The following ZCCHC7 variants were observed in gnomAD, a reference collection of about 807,000 sequenced individuals.
ZCCHC7 encodes the protein zinc finger CCHC domain-containing protein 7.
Under a neutral mutation model 52.0 loss-of-function variants are expected in ZCCHC7, and 35 were observed. The observed-to-expected ratio is 0.67, with a 90% confidence interval of 0.51 to 0.89. The LOEUF (loss-of-function observed/expected upper bound fraction) is 0.89, where lower values mean the gene tolerates loss of function less well. ZCCHC7 is among the 40% of genes least tolerant of loss of function. The pLI is 0.00. For synonymous variants in ZCCHC7, 217 were observed against 221.5 expected, an observed-to-expected ratio of 0.98 and a Z score of 0.18; for missense variants, 574 against 649.1, an observed-to-expected ratio of 0.88 and a Z score of 1.26.
At chr9:37,201,957 G>A (rs1400785424) in intron 2 of ZCCHC7, among the ~76,000 whole-genome samples, 1 of 152,146 alleles carries the variant, frequency 6.6e-6, no homozygotes, top group Non-Finnish European at 1.5e-5. Flanking sequence ...GGTTTTAAGA[G>A]CTTGTATAAT....
At chr9:37,170,024 A>T (rs983176110) in intron 2 of ZCCHC7, among the ~76,000 whole-genome samples, 84 of 152,172 alleles carry the variant, frequency 5.5e-4, no homozygotes, top group African/African-American at 1.9e-3. Context: ...TGATTGTGCC[A>T]CTGCAATCCT....
chr9:37,168,634 A>G (rs956035099), intron 2 of ZCCHC7, among the ~76,000 whole-genome samples: 2 of 152,212 alleles, frequency 1.3e-5, no homozygotes, highest in Admixed American at 6.5e-5. Flanking sequence ...GTGCTGGCTC[A>G]TGCCTGTAAT....
At chr9:37,180,804 CAA>C (rs1822311107) in intron 2 of ZCCHC7, among the ~76,000 whole-genome samples, 1 of 152,008 alleles carries the variant, frequency 6.6e-6, no homozygotes, top group Admixed American at 6.6e-5. Flanking sequence ...CACAAATCAA[CAA>C]AATTAATTTT....
intron 1 of ZCCHC7, among the ~76,000 whole-genome samples, chr9:37,123,193 GTGTGTGTGT>G (rs1842396827): frequency 1.1e-3 from 2 of 1,820 alleles, no homozygotes; most frequent in Non-Finnish European, 4.0e-3. Context: ...AGTCAAGGGT[GTGTGTGTGT>G]GTGTGTGTGT....
chr9:37,267,695 G>A (rs578206132), intron 2 of ZCCHC7, among the ~76,000 whole-genome samples: 1 of 148,184 alleles, frequency 6.7e-6, no homozygotes, highest in African/African-American at 2.5e-5. Context: ...TCAGCCTCCC[G>A]AGTAGCTGGG....
At chr9:37,174,566 A>G (rs1821914971) in intron 2 of ZCCHC7, among the ~76,000 whole-genome samples, 1 of 152,202 alleles carries the variant, frequency 6.6e-6, no homozygotes, top group Non-Finnish European at 1.5e-5. Context: ...GGCATAGAAA[A>G]TAGAAGTTGT....
chr9:37,345,041 A>C (rs1350876458), intron 6 of ZCCHC7, among the ~76,000 whole-genome samples: 1 of 152,170 alleles, frequency 6.6e-6, no homozygotes, highest in Non-Finnish European at 1.5e-5. Context: ...GCAGCTTTCT[A>C]CTTATAATAA....
rs182010743 is a variant in ZCCHC7, at chr9:37,321,462, C to T, written c.952-6337C>T. Among the ~76,000 whole-genome samples, 130 of 152,134 alleles carry T rather than the reference C, an allele frequency of 8.5e-4. 1 individual carries two copies. The highest frequency in any genetic ancestry group is 3.0e-3 in the African/African-American group (124 of 41,506). Reference sequence around the variant, plus strand: ...GTTTATAAGTAAAGTTCTAAACTTTCACTTTAAAATTATCTTACCAGGTTG... The same window carrying T: ...GTTTATAAGTAAAGTTCTAAACTTTTACTTTAAAATTATCTTACCAGGTTG... On this transcript the variant is annotated intron_variant, in intron 5 of 8. Transcript: ENST00000336755.
chr9:37,231,420 G>T (rs1177151564), intron 2 of ZCCHC7, among the ~76,000 whole-genome samples: 2 of 151,982 alleles, frequency 1.3e-5, no homozygotes, highest in Non-Finnish European at 2.9e-5. Flanking sequence ...TATATTTCTA[G>T]ATGTTTTAAT....
intron 2 of ZCCHC7, among the ~76,000 whole-genome samples, chr9:37,238,552 CTG>C: frequency 6.6e-6 from 1 of 152,024 alleles, no homozygotes; most frequent in South Asian, 2.1e-4. Context: ...TACCGAGAAA[CTG>C]TTTAATAATA....
At chr9:37,319,664 G>T (rs753970541) in intron 5 of ZCCHC7, among the ~76,000 whole-genome samples, 1 of 152,078 alleles carries the variant, frequency 6.6e-6, no homozygotes, top group Admixed American at 6.6e-5. Flanking sequence ...GGACTCAAGC[G>T]ATCTGCCTAC....
At chr9:37,147,826 C>G (rs1243032810) in intron 2 of ZCCHC7, among the ~76,000 whole-genome samples, 2 of 151,946 alleles carry the variant, frequency 1.3e-5, no homozygotes. Flanking sequence ...TACTTATCAA[C>G]TAATTTTTAT....
At chr9:37,306,043 A>C (rs542233202) in intron 5 of ZCCHC7, among the ~76,000 whole-genome samples, 26 of 150,626 alleles carry the variant, frequency 1.7e-4, no homozygotes, top group Non-Finnish European at 2.9e-5. Flanking sequence ...ATAACATGTA[A>C]AATTTGTGTA....
At chr9:37,231,266 A>C (rs927960391) in intron 2 of ZCCHC7, among the ~76,000 whole-genome samples, 1 of 152,136 alleles carries the variant, frequency 6.6e-6, no homozygotes, top group African/African-American at 2.4e-5. Context: ...TTGGGGCTTT[A>C]ATTGGAATTG....
At position 37,333,190 on chromosome 9, in the gene ZCCHC7, T is replaced by A. The variant is rs73646368; in HGVS notation, c.987+5356T>A. ...CTAATGTAGATTTAAGTGTTTCAGATAATGAAGCAATGAGAAGTATGCAGC... is the reference window on the plus strand; with the variant it reads ...CTAATGTAGATTTAAGTGTTTCAGAAAATGAAGCAATGAGAAGTATGCAGC... On this transcript the variant is annotated intron_variant, in intron 6 of 8. Transcript: ENST00000336755. Among the ~76,000 whole-genome samples the A allele has an allele frequency of 3.9e-3, 598 of 151,800 alleles. 3 individuals carry two copies. The highest frequency in any genetic ancestry group is 0.013 in the African/African-American group (560 of 41,530).
chr9:37,244,826 G>A (rs1826016708), intron 2 of ZCCHC7, among the ~76,000 whole-genome samples: 2 of 151,808 alleles, frequency 1.3e-5, no homozygotes, highest in African/African-American at 2.4e-5. Flanking sequence ...TAAGTCAGTA[G>A]TGAAGAATGG....
intron 2 of ZCCHC7, among the ~76,000 whole-genome samples, chr9:37,149,581 T>C (rs1173859905): frequency 6.6e-6 from 1 of 152,164 alleles, no homozygotes; most frequent in Non-Finnish European, 1.5e-5. Flanking sequence ...AAAAGACTAT[T>C]TTGATTACAG....
intron 2 of ZCCHC7, among the ~76,000 whole-genome samples, chr9:37,161,369 TC>T (rs1161948044): frequency 6.6e-6 from 1 of 152,008 alleles, no homozygotes; most frequent in African/African-American, 2.4e-5. Flanking sequence ...GGTTAGGAGA[TC>T]GAGACCATCC....
chr9:37,191,369 T>C (rs1823013927), intron 2 of ZCCHC7, among the ~76,000 whole-genome samples: 1 of 152,340 alleles, frequency 6.6e-6, no homozygotes, highest in African/African-American at 2.4e-5. Flanking sequence ...TGAAAGTATA[T>C]TGAACATTTT....
Sources: gnomAD v4.1 joint callset for allele counts (sites outside exome capture counted in the v4.1 genomes callset) on GRCh38, gnomAD v4.1.1 for gene constraint, MANE v1.5 for transcripts, NCBI Gene and HGNC (gene_info 2026-07-23, HGNC 2026-07-21) for gene names.